NSUN2: variants seen among roughly 807,000 people sequenced by gnomAD.
NSUN2 encodes the protein NOP2/Sun RNA methyltransferase 2.
A neutral mutation model predicts 92.7 loss-of-function variants in NSUN2; 63 were observed. That is an observed-to-expected ratio of 0.68 (90% CI 0.56 to 0.84). The LOEUF is 0.84. Ranked by LOEUF, NSUN2 falls within the 40% of genes least tolerant of loss-of-function variation. The pLI, the probability that NSUN2 is intolerant of heterozygous loss-of-function variation, is 0.00. For synonymous variants in NSUN2, 356 were observed against 348.3 expected (o/e 1.02, Z -0.25); for missense variants, 989 against 964.9 (o/e 1.02, Z -0.33).
chr5:6,610,065 A>T (rs1389527526), intron 11 of NSUN2, 143 bp from the exon 12 acceptor site: 172 of 377,238 alleles, frequency 4.6e-4, no homozygotes, highest in South Asian at 7.2e-4. Flanking sequence ...GTAAACTTAA[A>T]TTTTTTTTTT....
At position 6,606,618 on chromosome 5, in the gene NSUN2, A is replaced by G. The variant is rs144464996; in HGVS notation, c.1601+202T>C. Reference sequence around the variant, plus strand: ...TTTTATCTATCATGTTCACAAAGTAAAAGTTTACTTTCTCCTTAAATTAAA... The same window carrying G: ...TTTTATCTATCATGTTCACAAAGTAGAAGTTTACTTTCTCCTTAAATTAAA... On this transcript the variant is annotated intron_variant, in intron 14 of 18. Coordinates refer to ENST00000264670, the MANE Select transcript of NSUN2 (RefSeq NM_017755.6). Among the ~76,000 whole-genome samples, 126 of 151,876 alleles carry G rather than the reference A, an allele frequency of 8.3e-4. 2 individuals carry two copies. In the East Asian group the frequency reaches 0.021, roughly 26 times the overall value.
chr5:6,614,762 A>T (rs1367995181), intron 9 of NSUN2, among the ~76,000 whole-genome samples: 1 of 152,158 alleles, frequency 6.6e-6, no homozygotes, highest in East Asian at 1.9e-4. Context: ...GAGCGGGGAC[A>T]ATTTTGCGGT....
chr5:6,616,971 TA>T (rs557393848), intron 8 of NSUN2, 114 bp from the exon 9 acceptor site: 16 of 924,104 alleles, frequency 1.7e-5, no homozygotes, highest in African/African-American at 1.0e-4. Context: ...CAATTATACT[TA>T]AAAAAAACCT....
Position 6,609,828 on chromosome 5 carries a change from T to G in NSUN2, c.1321A>C (p.Lys441Gln). The change falls in exon 12 of 19, where the codon AAG (lysine) becomes CAG (glutamine). Residue 441 changes from lysine to glutamine, a missense_variant and splice_region_variant. By Grantham distance (53) the Lys-to-Gln change is moderately conservative (BLOSUM62 1). Around this residue, in one of 3 missense-constraint regions of NSUN2, gnomAD observed 626 missense variants for 602.3 expected, o/e 1.04. Coordinates refer to ENST00000264670, the MANE Select transcript of NSUN2 (RefSeq NM_017755.6). ...ATTTTGGAAAAAGAAAAACTCACCT[T>G]TGGCTGACGTTTATTCCACGGCATT... ...SSMPWNKRQP[K>Q]LQGKSAETRE... 2 of 1,610,436 alleles carry G rather than the reference T, an allele frequency of 1.2e-6. No individual in the cohort carries two copies. The highest frequency in any genetic ancestry group is 2.2e-5 in the South Asian group (2 of 90,024).
chr5:6,625,632 G>A lies in NSUN2; in HGVS notation c.397C>T (p.Arg133Ter), dbSNP rs1333817754. 8.1e-6 allele frequency: 13 copies of A among 1,614,092 alleles called. No individual in the cohort carries two copies. The highest frequency in any genetic ancestry group is 1.1e-5 in the Non-Finnish European group (13 of 1,179,994). The change falls in exon 4 of 19, where the codon CGA becomes TGA. Residue 133 changes from arginine to a stop codon, truncating the protein, a stop_gained. Coordinates refer to ENST00000264670, the MANE Select transcript of NSUN2 (RefSeq NM_017755.6). LOFTEE classifies it high-confidence loss of function. ...EELAWHTNLS[R>*]KILRKSPHLE... ...TGTGGCGATTTTCTCAAGATTTTTCGACTTAAATTTGTGTGCCAGGCAAGT... is the reference window on the plus strand; with the variant it reads ...TGTGGCGATTTTCTCAAGATTTTTCAACTTAAATTTGTGTGCCAGGCAAGT...
At chr5:6,600,476 G>A (rs1736504874) in intron 18 of NSUN2, among the ~76,000 whole-genome samples, 1 of 152,064 alleles carries the variant, frequency 6.6e-6, no homozygotes, top group African/African-American at 2.4e-5. Context: ...GTTCACAATG[G>A]AGTAGAGGCC....
intron 4 of NSUN2, among the ~76,000 whole-genome samples, chr5:6,624,498 A>G (rs1024341386): frequency 2.0e-5 from 3 of 152,056 alleles, no homozygotes; most frequent in African/African-American, 7.3e-5. Flanking sequence ...CAACCTATCC[A>G]TGTGTATCAC....
At chr5:6,629,721 G>C (rs78616792) in intron 3 of NSUN2, among the ~76,000 whole-genome samples, 1 of 152,114 alleles carries the variant, frequency 6.6e-6, no homozygotes, top group Non-Finnish European at 1.5e-5. Context: ...TATTCCCCAC[G>C]TGTCAAGGGC....
intron 13 of NSUN2, 46 bp from the exon 14 acceptor site, chr5:6,606,958 T>C: frequency 8.7e-7 from 1 of 1,146,082 alleles, no homozygotes; most frequent in South Asian, 1.3e-5. Flanking sequence ...TAATGTGTGG[T>C]AACCTTCAAT....
intron 3 of NSUN2, among the ~76,000 whole-genome samples, chr5:6,629,317 T>C (rs1358469190): frequency 6.6e-6 from 1 of 152,240 alleles, no homozygotes. Flanking sequence ...AAAGGGCTGA[T>C]CAAATCCAAG....
rs1205932472 is a variant in NSUN2, at chr5:6,632,907, C to G, written c.73G>C (p.Gly25Arg). ...RPEDAEDGAEGGGKRGEAGWE... is the reference protein window; with the variant it reads ...RPEDAEDGAERGGKRGEAGWE... ...ACCGCCTCGCCGCGCTTTCCACCAC[C>G]CTCGGCGCCATCCTCCGCGTCCTCC... The change falls in exon 1 of 19, where the codon GGT (glycine) becomes CGT (arginine). Residue 25 changes from glycine to arginine, a missense_variant. Physicochemically the swap from Gly to Arg is moderately radical, Grantham distance 125 (BLOSUM62 -2). This residue lies in a region of NSUN2 where 356 missense variants were observed against 338.6 expected (regional missense o/e 1.05). Coordinates refer to ENST00000264670, the MANE Select transcript of NSUN2 (RefSeq NM_017755.6). The G allele has an allele frequency of 6.6e-7, 1 of 1,525,858 alleles. No homozygotes were observed. The highest frequency in any genetic ancestry group is 1.4e-5 in the African/African-American group (1 of 71,582). 94.5% of individuals were successfully genotyped at this position (1,525,858 alleles called of 1,614,324 possible).
chr5:6,621,466 C>G (rs1201707166), intron 6 of NSUN2: 1 of 152,038 alleles, frequency 6.6e-6, no homozygotes, highest in Non-Finnish European at 1.5e-5. Flanking sequence ...ACACCATCTG[C>G]AGCCGGGCGT....
intron 5 of NSUN2, among the ~76,000 whole-genome samples, chr5:6,622,841 C>G (rs1328421597): frequency 1.7e-5 from 2 of 116,948 alleles, no homozygotes; most frequent in African/African-American, 6.1e-5. Flanking sequence ...GAGTGAAACT[C>G]CATCTCAAAA....
At chr5:6,618,681 C>T (rs757291091) in intron 7 of NSUN2, among the ~76,000 whole-genome samples, 4 of 152,120 alleles carry the variant, frequency 2.6e-5, no homozygotes, top group Non-Finnish European at 5.9e-5. Context: ...ATTTTTCTTA[C>T]AATCACCGTT....
At chr5:6,605,801 G>A (rs901680159) in intron 14 of NSUN2, among the ~76,000 whole-genome samples, 4 of 151,664 alleles carry the variant, frequency 2.6e-5, no homozygotes, top group African/African-American at 9.7e-5. Flanking sequence ...GGGTTGAAGC[G>A]GTTCTCCTGC....
At chr5:6,604,498 C>T in intron 16 of NSUN2, 107 bp downstream of exon 16, 1 of 1,102,298 alleles carries the variant, frequency 9.1e-7, no homozygotes. Flanking sequence ...TAGGTGCCAG[C>T]CAAGCCCTGA....
intron 13 of NSUN2, 44 bp from the exon 14 acceptor site, chr5:6,606,956 G>A (rs751867662): frequency 2.5e-6 from 3 of 1,198,618 alleles, no homozygotes; most frequent in Non-Finnish European, 3.7e-6. Context: ...TGTAATGTGT[G>A]GTAACCTTCA....
Position 6,607,332 on chromosome 5 carries a change from T to A in NSUN2, c.1376A>T (p.Asp459Val), listed in dbSNP as rs1736817627. Residue 459 changes from aspartate (D) to valine (V), a missense_variant, in exon 13 of 19, where the codon GAT (aspartate) becomes GTT (valine). Coordinates refer to ENST00000264670, the MANE Select transcript of NSUN2 (RefSeq NM_017755.6). The stretch of plus-strand genomic sequence containing the variant: ...ATCTGTGGGTTTCCCTTCTGTGAGA[T>A]CTGCAGGGCTCAGCTGTGTGCTTTC... ...TRESTQLSPA[D>V]LTEGKPTDPS... The A allele has an allele frequency of 1.2e-6, 2 of 1,614,088 alleles. No homozygotes were observed. Among genetic ancestry groups the A allele is most frequent in the Admixed American group, 1.7e-5 (1 of 59,994 alleles).
intron 3 of NSUN2, among the ~76,000 whole-genome samples, chr5:6,629,736 C>G (rs971076665): frequency 1.3e-5 from 2 of 152,124 alleles, no homozygotes; most frequent in Non-Finnish European, 2.9e-5. Flanking sequence ...AAGGGCAGGA[C>G]GAGGTGGAGA....
Sources: allele counts gnomAD v4.1 joint callset (sites outside exome capture counted in the v4.1 genomes callset), GRCh38; gene constraint gnomAD v4.1.1; regional missense constraint gnomAD v4.1.1; transcripts MANE v1.5; gene names NCBI Gene and HGNC (gene_info 2026-07-23, HGNC 2026-07-21).